The following DACH2 variants were observed in gnomAD, a reference collection of about 807,000 sequenced individuals.
DACH2 encodes the protein dachshund family transcription factor 2, also known as dachshund homolog 2.
Under a neutral mutation model 35.8 loss-of-function variants are expected in DACH2, and 17 were observed. That is an observed-to-expected ratio of 0.48 (90% CI 0.33 to 0.71). DACH2 has a LOEUF of 0.71. Ranked by LOEUF, DACH2 falls within the 30% of genes least tolerant of loss-of-function variation. DACH2 has a pLI of 0.02. For synonymous variants in DACH2, 195 were observed against 177.3 expected, an observed-to-expected ratio of 1.10 and a Z score of -0.79; for missense variants, 469 against 472.7, an observed-to-expected ratio of 0.99 and a Z score of 0.07.
intron 1 of DACH2, among the ~76,000 whole-genome samples, chrX:86,280,388 C>T (rs1010808579): frequency 1.8e-5 from 2 of 111,929 alleles, no homozygotes; most frequent in African/African-American, 6.5e-5. Flanking sequence ...AAATCCTTTC[C>T]AGACAAGCAA....
chrX:86,404,053 C>T (rs1404523306), intron 2 of DACH2, among the ~76,000 whole-genome samples: 1 of 109,969 alleles, frequency 9.1e-6, no homozygotes, highest in East Asian at 2.9e-4. Context: ...GGAGTAACTA[C>T]CCCCGTGATT....
rs112538373 is a variant in DACH2 at position 86,546,193 on chromosome X, A to T, written c.640+31802A>T. 7.9e-3 allele frequency among the ~76,000 whole-genome samples: 878 copies of T among 111,615 alleles called. 11 individuals carry two copies. Among genetic ancestry groups the T allele is most frequent in the African/African-American group, 0.028 (849 of 30,681 alleles). On this transcript the variant is annotated intron_variant, in intron 3 of 11. Coordinates refer to ENST00000373125, the MANE Select transcript of DACH2 (RefSeq NM_053281.3). ...CAGATGGATTGGCTGTGCTCTTGAA[A>T]TAAACTGTTTTCAAAATTCCACCAA... is the stretch of plus-strand genomic sequence containing the variant.
intron 6 of DACH2, among the ~76,000 whole-genome samples, chrX:86,725,739 T>A (rs1292048099): frequency 9.0e-6 from 1 of 110,834 alleles, no homozygotes; most frequent in African/African-American, 3.3e-5. Context: ...AATGCAGTAG[T>A]GATGATGGAG....
At chrX:86,503,923 A>C (rs924592437) in intron 2 of DACH2, among the ~76,000 whole-genome samples, 1 of 111,677 alleles carries the variant, frequency 9.0e-6, no homozygotes, top group East Asian at 2.8e-4. Flanking sequence ...TGAGTAACTG[A>C]AAGTGATACT....
intron 1 of DACH2, among the ~76,000 whole-genome samples, chrX:86,364,019 T>A: frequency 8.9e-6 from 1 of 111,975 alleles, no homozygotes; most frequent in Non-Finnish European, 1.9e-5. Context: ...AAGAAAATGA[T>A]GCTTTAAAAG....
At chrX:86,681,576 T>G (rs1210963163) in intron 4 of DACH2, among the ~76,000 whole-genome samples, 2 of 98,873 alleles carry the variant, frequency 2.0e-5, no homozygotes, top group African/African-American at 7.3e-5. Flanking sequence ...TGAGACCCTC[T>G]CTCTCTCTCT....
intron 1 of DACH2, among the ~76,000 whole-genome samples, chrX:86,334,949 AG>A (rs1465180720): frequency 8.9e-6 from 1 of 112,190 alleles, no homozygotes; most frequent in African/African-American, 3.2e-5. Context: ...GGTATAAGGA[AG>A]GGGTCCAGTT....
intron 3 of DACH2, among the ~76,000 whole-genome samples, chrX:86,546,443 T>TTCC (rs1323537731): frequency 3.6e-3 from 323 of 89,769 alleles, no homozygotes; most frequent in African/African-American, 0.014. Context: ...CCTCTTCTTC[T>TTCC]TCTTCCTCTT....
At chrX:86,521,050 G>A (rs7880747) in intron 3 of DACH2, among the ~76,000 whole-genome samples, 252 of 111,375 alleles carry the variant, frequency 2.3e-3, no homozygotes, top group African/African-American at 7.8e-3. Context: ...GTCTTCCCTC[G>A]CTTTGCTTAG....
intron 2 of DACH2, among the ~76,000 whole-genome samples, chrX:86,438,214 C>T (rs1194816343): frequency 5.0e-5 from 5 of 99,246 alleles, no homozygotes; most frequent in Non-Finnish European, 9.9e-5. Context: ...GACATGATCT[C>T]GTAGGTTTTT....
intron 1 of DACH2, chrX:86,262,898 C>A: frequency 2.1e-6 from 1 of 484,460 alleles, no homozygotes; most frequent in Non-Finnish European, 2.5e-6. Context: ...TGTCACTGTT[C>A]AGAAATAGAA....
chrX:86,398,552 CT>C (rs1413928527), intron 2 of DACH2, among the ~76,000 whole-genome samples: 7 of 111,949 alleles, frequency 6.3e-5, no homozygotes, highest in Admixed American at 9.5e-5. Flanking sequence ...CCTCTACACA[CT>C]GCTTTGAATG....
chrX:86,519,624 A>C (rs2038522080), intron 3 of DACH2, among the ~76,000 whole-genome samples: 1 of 111,027 alleles, frequency 9.0e-6, no homozygotes, highest in African/African-American at 3.3e-5. Context: ...TCAGTTTTGG[A>C]GGGTGTGTAT....
chrX:86,560,549 A>G (rs2039201169), intron 3 of DACH2, among the ~76,000 whole-genome samples: 1 of 105,222 alleles, frequency 9.5e-6, no homozygotes, highest in African/African-American at 3.5e-5. Context: ...ACCAAAACAG[A>G]GATATAGATC....
At chrX:86,261,182 T>G (rs2147962394) in intron 1 of DACH2, among the ~76,000 whole-genome samples, 1 of 112,167 alleles carries the variant, frequency 8.9e-6, no homozygotes, top group East Asian at 2.8e-4. Flanking sequence ...TCTTCACAAT[T>G]TTCACACTTC....
At chrX:86,418,437 C>T (rs962601573) in intron 2 of DACH2, among the ~76,000 whole-genome samples, 4 of 112,144 alleles carry the variant, frequency 3.6e-5, no homozygotes, top group Non-Finnish European at 7.5e-5. Flanking sequence ...GAAATCTAGG[C>T]GGAGGTTTTC....
chrX:86,528,818 A>T (rs1482857171), intron 3 of DACH2, among the ~76,000 whole-genome samples: 2 of 112,415 alleles, frequency 1.8e-5, no homozygotes, highest in African/African-American at 6.5e-5. Flanking sequence ...AAAATATATT[A>T]TACTTGTACA....
At chrX:86,687,752 T>G (rs1429231281) in intron 4 of DACH2, among the ~76,000 whole-genome samples, 3 of 110,991 alleles carry the variant, frequency 2.7e-5, no homozygotes, top group African/African-American at 9.8e-5. Flanking sequence ...GGGACATGGA[T>G]GAAGTTGGAA....
intron 3 of DACH2, among the ~76,000 whole-genome samples, chrX:86,568,683 C>A (rs939748764): frequency 2.7e-5 from 3 of 110,919 alleles, no homozygotes; most frequent in Non-Finnish European, 3.8e-5. Context: ...GAAGGAAATT[C>A]TTTTTTCATT....
Sources: allele counts gnomAD v4.1 joint callset (sites outside exome capture counted in the v4.1 genomes callset), GRCh38; gene constraint gnomAD v4.1.1; transcripts MANE v1.5; gene names NCBI Gene and HGNC (gene_info 2026-07-23, HGNC 2026-07-21).